RNF170: variants seen among roughly 807,000 people sequenced by gnomAD.
RNF170 encodes ring finger protein 170.
Under a neutral mutation model 32.7 loss-of-function variants are expected in RNF170, and 12 were observed. The observed-to-expected ratio is 0.37, with a 90% confidence interval of 0.24 to 0.60. The LOEUF (loss-of-function observed/expected upper bound fraction) is 0.60. Ranked by LOEUF, RNF170 falls within the 20% of genes least tolerant of loss-of-function variation. The pLI, the probability that RNF170 is intolerant of heterozygous loss-of-function variation, is 0.72. For missense variants in RNF170, 212 were observed against 311.2 expected, an observed-to-expected ratio of 0.68 and a Z score of 2.40; for synonymous variants, 91 against 103.6, an observed-to-expected ratio of 0.88 and a Z score of 0.74.
chr8:42,897,180 C>A, upstream of RNF170: 1 of 1,247,874 alleles, frequency 8.0e-7, no homozygotes. Flanking sequence ...CGAGAGCCTC[C>A]TCACTTGGGT....
chr8:42,869,890 C>T (rs1041687040), intron 4 of RNF170, 114 bp downstream of exon 4: 12 of 743,720 alleles, frequency 1.6e-5, no homozygotes, highest in South Asian at 3.0e-5. Context: ...GGTAATCTAC[C>T]CTACTCACAA....
intron 3 of RNF170, 80 bp downstream of exon 3, chr8:42,873,851 A>T: frequency 2.4e-6 from 2 of 832,238 alleles, no homozygotes; most frequent in Non-Finnish European, 4.2e-6. Flanking sequence ...TCCAAAAAGT[A>T]ATTTAGTAAT....
chr8:42,882,649 T>C (rs961495358), intron 2 of RNF170, among the ~76,000 whole-genome samples: 1 of 152,238 alleles, frequency 6.6e-6, no homozygotes, highest in Non-Finnish European at 1.5e-5. Flanking sequence ...TTCTACTTTA[T>C]GAGGTGCATA....
intron 1 of RNF170, 74 bp from the exon 2 acceptor site, chr8:42,887,945 A>G: frequency 7.4e-7 from 1 of 1,351,146 alleles, no homozygotes; most frequent in Non-Finnish European, 1.1e-6. Context: ...AAAGCAATGT[A>G]AATATAACTG....
At position 42,854,946 on chromosome 8, in the gene RNF170, T is replaced by A. The variant is rs1489728862; in HGVS notation, c.*1213A>T. ...ATAAAAATTTCTGACAACAGAAAAC[T>A]AACAAAATTTGTCCAATCTGTTGCT... On this transcript the variant is annotated 3_prime_UTR_variant, in exon 7 of 7. Coordinates refer to ENST00000527424, the MANE Select transcript of RNF170 (RefSeq NM_030954.4). 1 of 1,287,256 alleles carries A rather than the reference T, an allele frequency of 7.8e-7. No homozygotes were observed. The highest frequency in any genetic ancestry group is 1.2e-5 in the South Asian group (1 of 80,940). 79.7% of individuals were successfully genotyped at this position (1,287,256 alleles called of 1,614,324 possible). A position where few individuals can be genotyped will look rare whatever the true frequency, so the allele number is the denominator to read the frequency against.
downstream of RNF170, chr8:42,850,783 G>A: frequency 6.4e-7 from 1 of 1,551,586 alleles, no homozygotes; most frequent in East Asian, 2.4e-5. Flanking sequence ...TGAGTGAGGA[G>A]GGAACATTTA....
intron 3 of RNF170, among the ~76,000 whole-genome samples, chr8:42,873,520 A>G (rs185179137): frequency 6.6e-6 from 1 of 152,172 alleles, no homozygotes; most frequent in South Asian, 2.1e-4. Context: ...TTTTGTTGTT[A>G]TAACTTTGAC....
chr8:42,896,716 A>T (rs1396587635), upstream of RNF170: 3 of 197,850 alleles, frequency 1.5e-5, no homozygotes, highest in African/African-American at 4.7e-5. Flanking sequence ...CTCGACACGC[A>T]GCGAACTGGT....
chr8:42,890,811 G>A (rs945703522), intron 1 of RNF170, among the ~76,000 whole-genome samples: 2 of 152,030 alleles, frequency 1.3e-5, no homozygotes, highest in East Asian at 3.9e-4. Flanking sequence ...GCTTGTTGGG[G>A]GCTTCGACAG....
intron 6 of RNF170, among the ~76,000 whole-genome samples, chr8:42,860,141 C>T (rs1213171045): frequency 2.6e-5 from 4 of 152,148 alleles, no homozygotes; most frequent in Non-Finnish European, 5.9e-5. Context: ...TGTGGAGCAC[C>T]CACGCTGAAA....
At chr8:42,852,389 G>A (rs1802963026), downstream of RNF170, among the ~76,000 whole-genome samples, 1 of 151,920 alleles carries the variant, frequency 6.6e-6, no homozygotes, top group Non-Finnish European at 1.5e-5. Flanking sequence ...CATTGGTATG[G>A]TGAATTACAT....
chr8:42,868,810 C>T (rs1804308995), intron 4 of RNF170, among the ~76,000 whole-genome samples: 1 of 150,600 alleles, frequency 6.6e-6, no homozygotes, highest in Non-Finnish European at 1.5e-5. Context: ...AGAGATCGCA[C>T]CATTGCACTC....
At chr8:42,850,905 G>A (rs1407609082), downstream of RNF170, 8 of 1,551,578 alleles carry the variant, frequency 5.2e-6, no homozygotes, top group East Asian at 2.4e-5. Context: ...ACCTGCATCC[G>A]ACTGTACAGG....
chr8:42,867,795 A>AAAAAG (rs1563258144), intron 4 of RNF170, among the ~76,000 whole-genome samples: 2 of 150,646 alleles, frequency 1.3e-5, no homozygotes, highest in Admixed American at 6.6e-5. Flanking sequence ...AAAAAAAAAA[A>AAAAAG]AAAAGAAAAA....
chr8:42,864,622 C>T (rs895245535), intron 5 of RNF170, among the ~76,000 whole-genome samples: 1 of 152,004 alleles, frequency 6.6e-6, no homozygotes, highest in South Asian at 2.1e-4. Context: ...CTTACTGCCT[C>T]CCTCCTCAGG....
At chr8:42,873,866 T>C (rs1804706604) in intron 3 of RNF170, 65 bp downstream of exon 3, 1 of 904,112 alleles carries the variant, frequency 1.1e-6, no homozygotes, top group Admixed American at 1.7e-5. Context: ...AGTAATGTTT[T>C]ATCACAATTT....
chr8:42,890,899 T>C (rs563667371), intron 1 of RNF170, among the ~76,000 whole-genome samples: 79 of 152,204 alleles, frequency 5.2e-4, no homozygotes, highest in Middle Eastern at 3.2e-3. Context: ...AAATGAGGTA[T>C]TGTACCATCA....
At chr8:42,874,796 G>A (rs1274723997) in intron 2 of RNF170, among the ~76,000 whole-genome samples, 1 of 151,960 alleles carries the variant, frequency 6.6e-6, no homozygotes, top group Non-Finnish European at 1.5e-5. Flanking sequence ...CTAATCTCTT[G>A]ACATTAACAA....
intron 1 of RNF170, among the ~76,000 whole-genome samples, chr8:42,892,682 T>G (rs899633556): frequency 2.6e-5 from 4 of 151,866 alleles, no homozygotes; most frequent in African/African-American, 7.3e-5. Flanking sequence ...GCGTTTTTTT[T>G]TTTTTTTTTA....
Sources: allele counts gnomAD v4.1 joint callset (sites outside exome capture counted in the v4.1 genomes callset), GRCh38; gene constraint gnomAD v4.1.1; transcripts MANE v1.5; gene names NCBI Gene and HGNC (gene_info 2026-07-23, HGNC 2026-07-21).